DOCK9: variants seen among roughly 807,000 people sequenced by gnomAD.
DOCK9 encodes dedicator of cytokinesis 9, also known as dedicator of cytokinesis protein 9.
A neutral mutation model predicts 263.3 loss-of-function variants in DOCK9; 89 were observed. That is an observed-to-expected ratio of 0.34 (90% CI 0.28 to 0.40). The LOEUF (loss-of-function observed/expected upper bound fraction) is 0.40. Among genes scored for constraint, DOCK9 ranks in the 10% least tolerant of loss-of-function variants. DOCK9 has a pLI of 1.00. For missense variants in DOCK9, 2,140 were observed against 2,603.4 expected (o/e 0.82, Z 3.87); for synonymous variants, 976 against 973.1 (o/e 1.00, Z -0.06).
chr13:98,937,189 C>G (rs2055001313), intron 2 of DOCK9, among the ~76,000 whole-genome samples: 1 of 152,088 alleles, frequency 6.6e-6, no homozygotes, highest in African/African-American at 2.4e-5. Context: ...GCTAATAAAT[C>G]TGTACATTTG....
At chr13:98,801,695 TA>T (rs1219985748) in intron 49 of DOCK9, among the ~76,000 whole-genome samples, 2 of 152,192 alleles carry the variant, frequency 1.3e-5, no homozygotes, top group East Asian at 1.9e-4. Context: ...AAAAGCTTAT[TA>T]TTTTTTTTGA....
chr13:98,794,737 C>T lies in DOCK9; in HGVS notation c.6168G>A (p.Leu2056=), dbSNP rs1566486823. 6.2e-7 allele frequency: 1 copy of T among 1,613,932 alleles called. No individual in the cohort carries two copies. The highest frequency in any genetic ancestry group is 8.5e-7 in the Non-Finnish European group (1 of 1,179,858). ...SEIMHEQICP[L]EEKTSVLPNS... ...TCGGTAAGACGCTCGTCTTCTCCTC[C>T]AGGGGGCAGATCTTGAGGACAGAAA... is the stretch of plus-strand genomic sequence containing the variant. Residue 2056 remains leucine, a synonymous_variant, in exon 53 of 53, where the codon CTG becomes CTA. Transcript: ENST00000682017.
chr13:98,958,422 T>G (rs1272163985), intron 1 of DOCK9, among the ~76,000 whole-genome samples: 1 of 152,232 alleles, frequency 6.6e-6, no homozygotes, highest in African/African-American at 2.4e-5. Flanking sequence ...CTTCCCAGTT[T>G]GTTCCTTCCT....
chr13:99,016,978 C>G (rs1885495496), intron 1 of DOCK9, among the ~76,000 whole-genome samples: 1 of 152,218 alleles, frequency 6.6e-6, no homozygotes, highest in South Asian at 2.1e-4. Context: ...CCCATAATGT[C>G]TGTTTTCTAT....
rs2050727366 is a variant in DOCK9, at chr13:98,915,366, A to C, written c.855T>G (p.Ala285=). The part of the protein sequence containing the change: ...LNKILQLNFE[A]AMQEKRNGDS... The stretch of plus-strand genomic sequence containing the variant: ...CGCCATTTCGCTTTTCTTGCATTGC[A>C]GCTTCAAAGTTGAGCTGGAGGATCT... Residue 285 remains alanine (A), a synonymous_variant, in exon 8 of 53, where the codon GCT becomes GCG. Coordinates refer to ENST00000682017, the MANE Select transcript of DOCK9 (RefSeq NM_001366683.2). 1 of 1,613,876 alleles carries C rather than the reference A, an allele frequency of 6.2e-7. No homozygotes were observed. Among genetic ancestry groups the C allele is most frequent in the Non-Finnish European group, 8.5e-7 (1 of 1,179,848 alleles).
intron 17 of DOCK9, 25 bp downstream of exon 17, chr13:98,888,335 A>T: frequency 6.2e-7 from 1 of 1,608,784 alleles, no homozygotes; most frequent in Admixed American, 1.7e-5. Context: ...GACATCAAGA[A>T]TGAAACCTCC....
chr13:98,848,593 T>G lies in DOCK9; in HGVS notation c.4060A>C (p.Arg1354=), dbSNP rs1295231912. The G allele has an allele frequency of 6.2e-7, 1 of 1,611,670 alleles. No homozygotes were observed. Among genetic ancestry groups the G allele is most frequent in the East Asian group, 2.2e-5 (1 of 44,828 alleles). The change falls in exon 37 of 53, where the codon AGG becomes CGG. Residue 1354 remains arginine, a splice_region_variant and synonymous_variant. Transcript: ENST00000682017. ...TCGAATGAAAACGCCCCACAGTACC[T>G]GGCTATGTATCGCTTCCCCATGTAC... The part of the protein sequence containing the change: ...FQYMGKRYIA[R]NQEGLGPIVH...
At chr13:98,883,968 G>A in intron 21 of DOCK9, 69 bp from the exon 22 acceptor site, 1 of 1,057,680 alleles carries the variant, frequency 9.5e-7, no homozygotes, top group African/African-American at 1.6e-5. Context: ...GATCATCAAT[G>A]AGGGTAATGA....
intron 1 of DOCK9, among the ~76,000 whole-genome samples, chr13:98,991,781 C>A (rs1879867988): frequency 6.6e-6 from 1 of 151,904 alleles, no homozygotes; most frequent in African/African-American, 2.4e-5. Flanking sequence ...AGTCGACTTT[C>A]CAATCTCCTT....
chr13:98,801,263 C>T (rs1424920714), intron 49 of DOCK9, among the ~76,000 whole-genome samples: 2 of 152,118 alleles, frequency 1.3e-5, no homozygotes, highest in East Asian at 3.9e-4. Context: ...CCAGCCTGGG[C>T]TACAGAGTGA....
In DOCK9 at chr13:98,939,172, T is replaced by C. The variant is rs544628585; in HGVS notation, c.244-8915A>G. On this transcript the variant is annotated intron_variant, in intron 2 of 52. Transcript: ENST00000682017. ...GACACTGAGTCAGGACAGGGGAAGA[T>C]GCTTCTCTTCAGGAGGAAACTGTCA... 4.7e-4 allele frequency among the ~76,000 whole-genome samples: 71 copies of C among 152,354 alleles called. 1 individual carries two copies. The highest frequency in any genetic ancestry group is 6.6e-4 in the Non-Finnish European group (45 of 68,038).
intron 15 of DOCK9, among the ~76,000 whole-genome samples, chr13:98,889,165 C>T (rs1345921412): frequency 6.6e-6 from 1 of 152,154 alleles, no homozygotes; most frequent in African/African-American, 2.4e-5. Context: ...CATTTAGAAT[C>T]ATCACCATTT....
chr13:98,937,493 A>G (rs6491469), intron 2 of DOCK9, among the ~76,000 whole-genome samples: 97,240 of 152,048 alleles, frequency 0.64, 31,669 homozygotes, highest in Middle Eastern at 0.77. Context: ...TTTTCAGTCA[A>G]TATTATTACT....
chr13:99,024,310 T>A (rs1180084573), intron 1 of DOCK9, among the ~76,000 whole-genome samples: 4 of 152,160 alleles, frequency 2.6e-5, no homozygotes, highest in African/African-American at 4.8e-5. Context: ...CTCAATGGCA[T>A]AATGAAGTCA....
intron 49 of DOCK9, among the ~76,000 whole-genome samples, chr13:98,802,510 C>T (rs139139550): frequency 4.6e-5 from 7 of 152,148 alleles, no homozygotes; most frequent in East Asian, 3.9e-4. Context: ...AGTGGAGGGC[C>T]GGAAGCTAAT....
intron 1 of DOCK9, among the ~76,000 whole-genome samples, chr13:99,049,115 T>A (rs1245567590): frequency 6.6e-6 from 1 of 152,250 alleles, no homozygotes; most frequent in Admixed American, 6.5e-5. Context: ...AACAGAATCA[T>A]CAATGACTAC....
chr13:99,002,242 C>A (rs1028330531), intron 1 of DOCK9, among the ~76,000 whole-genome samples: 5 of 152,194 alleles, frequency 3.3e-5, no homozygotes, highest in Admixed American at 2.0e-4. Flanking sequence ...CCTGTCTCTC[C>A]CTTTCTGATT....
At chr13:98,865,396 C>T (rs1339890060) in intron 30 of DOCK9, among the ~76,000 whole-genome samples, 1 of 152,096 alleles carries the variant, frequency 6.6e-6, no homozygotes, top group Non-Finnish European at 1.5e-5. Flanking sequence ...ATTACCCAGT[C>T]TCATGTATTC....
intron 37 of DOCK9, 23 bp downstream of exon 37, chr13:98,848,569 C>T (rs369787006): frequency 3.6e-5 from 58 of 1,606,146 alleles, no homozygotes; most frequent in Non-Finnish European, 4.4e-5. Flanking sequence ...CAACACGTTT[C>T]GAATGAAAAC....
Sources: gnomAD v4.1 joint callset for allele counts (sites outside exome capture counted in the v4.1 genomes callset) on GRCh38, gnomAD v4.1.1 for gene constraint, MANE v1.5 for transcripts, NCBI Gene and HGNC (gene_info 2026-07-23, HGNC 2026-07-21) for gene names.